TNRC6B: variants seen among roughly 807,000 people sequenced by gnomAD.
TNRC6B encodes trinucleotide repeat-containing gene 6B protein.
Under a neutral mutation model 203.6 loss-of-function variants are expected in TNRC6B, and 52 were observed. That is an observed-to-expected ratio of 0.26 (90% CI 0.20 to 0.32). The LOEUF is 0.32. Among genes scored for constraint, TNRC6B ranks in the 10% least tolerant of loss-of-function variants. The pLI is 1.00. For missense variants in TNRC6B, 1,923 were observed against 2,286.2 expected (o/e 0.84, Z 3.24); for synonymous variants, 838 against 845.7 (o/e 0.99, Z 0.16).
chr22:40,110,317 A>G (rs1050392724), intron 1 of TNRC6B, among the ~76,000 whole-genome samples: 5 of 152,236 alleles, frequency 3.3e-5, no homozygotes, highest in South Asian at 2.1e-4. Flanking sequence ...AACAATTGCA[A>G]TAAAACCTGG....
chr22:40,117,313 A>G (rs2068397036), intron 2 of TNRC6B, among the ~76,000 whole-genome samples: 1 of 152,186 alleles, frequency 6.6e-6, no homozygotes, highest in South Asian at 2.1e-4. Context: ...AAGCACTGGT[A>G]TTTAGATGGA....
chr22:40,125,959 A>G (rs906426965), intron 3 of TNRC6B: 12 of 1,245,232 alleles, frequency 9.6e-6, no homozygotes, highest in African/African-American at 3.1e-5. Context: ...GACTGTAAAA[A>G]TTCGATTGAG....
At chr22:40,049,148 G>A (rs943785733) in intron 1 of TNRC6B, among the ~76,000 whole-genome samples, 3 of 152,026 alleles carry the variant, frequency 2.0e-5, no homozygotes, top group Admixed American at 6.5e-5. Context: ...TTGGGAGGCT[G>A]AGGCGGGTGG....
At chr22:40,222,728 C>CTCTTT (rs2069728214) in intron 1 of TNRC6B, among the ~76,000 whole-genome samples, 16 of 40,216 alleles carry the variant, frequency 4.0e-4, no homozygotes, top group African/African-American at 1.5e-3. Flanking sequence ...CTCTCTCTCT[C>CTCTTT]TTTTTTTTTT....
rs1467718318 is a variant in TNRC6B, at chr22:40,335,531, T to C, written c.*12290T>C. 6.6e-6 allele frequency: 1 copy of C among 151,326 alleles called. No homozygotes were observed. The highest frequency in any genetic ancestry group is 1.5e-5 in the Non-Finnish European group (1 of 67,782). 9.4% of individuals were successfully genotyped at this position (151,326 alleles called of 1,614,324 possible). A position where few individuals can be genotyped will look rare whatever the true frequency, so the allele number is the denominator to read the frequency against. The stretch of plus-strand genomic sequence containing the variant: ...AAAAAAACTAAAGGGTGGTGTTTTA[T>C]TGGATTGTGACAGGTTGAGTAATAA... On this transcript the variant is annotated 3_prime_UTR_variant, in exon 23 of 23. Coordinates refer to ENST00000454349, the MANE Select transcript of TNRC6B (RefSeq NM_001162501.2).
At chr22:40,178,176 A>C in intron 1 of TNRC6B, 36 bp downstream of exon 1, 4 of 1,610,740 alleles carry the variant, frequency 2.5e-6, no homozygotes, top group Non-Finnish European at 3.4e-6. Flanking sequence ...TAACCAATTG[A>C]TTTATATGGA....
upstream of TNRC6B, among the ~76,000 whole-genome samples, chr22:40,174,075 A>T (rs2069032846): frequency 6.6e-6 from 1 of 151,400 alleles, no homozygotes; most frequent in Non-Finnish European, 1.5e-5. Context: ...CTGTGATTAC[A>T]GGCGTGAGCC....
chr22:40,315,748 G>A (rs1401981259), intron 20 of TNRC6B, among the ~76,000 whole-genome samples, 194 bp from the exon 21 acceptor site: 1 of 151,988 alleles, frequency 6.6e-6, no homozygotes, highest in Non-Finnish European at 1.5e-5. Flanking sequence ...GGAAAATACT[G>A]TCTTGCAAAT....
At chr22:40,296,875 C>T (rs964592562) in intron 12 of TNRC6B, among the ~76,000 whole-genome samples, 1 of 152,112 alleles carries the variant, frequency 6.6e-6, no homozygotes, top group African/African-American at 2.4e-5. Flanking sequence ...TGATCTCCGC[C>T]CGACTTGGCC....
At chr22:40,301,583 TTTTG>T in intron 15 of TNRC6B, 1 of 503,084 alleles carries the variant, frequency 2.0e-6, no homozygotes, top group Non-Finnish European at 3.5e-6. Flanking sequence ...TCTTCCTTTT[TTTTG>T]TGTGTGTGTG....
At chr22:40,245,400 T>C (rs949237410) in intron 1 of TNRC6B, among the ~76,000 whole-genome samples, 2 of 152,078 alleles carry the variant, frequency 1.3e-5, no homozygotes, top group Admixed American at 6.6e-5. Context: ...CTGGAATACA[T>C]TGATTTATAG....
At chr22:40,303,210 G>C (rs2071048451) in intron 15 of TNRC6B, among the ~76,000 whole-genome samples, 2 of 151,904 alleles carry the variant, frequency 1.3e-5, no homozygotes, top group Admixed American at 1.3e-4. Flanking sequence ...TTGTATAGTA[G>C]AGATGGGGTT....
At chr22:40,280,857 G>A (rs534945815) in intron 10 of TNRC6B, among the ~76,000 whole-genome samples, 57 of 152,288 alleles carry the variant, frequency 3.7e-4, no homozygotes, top group Non-Finnish European at 6.6e-4. Context: ...AAAATAAAGT[G>A]TCTGGCAATT....
upstream of TNRC6B, among the ~76,000 whole-genome samples, chr22:40,176,594 C>G (rs1429475871): frequency 1.3e-5 from 2 of 152,070 alleles, no homozygotes; most frequent in African/African-American, 2.4e-5. Flanking sequence ...GGGTCCAAGT[C>G]ATTGATTTAT....
intron 1 of TNRC6B, among the ~76,000 whole-genome samples, chr22:40,061,394 T>C (rs192444489): frequency 6.6e-6 from 1 of 151,816 alleles, no homozygotes; most frequent in Non-Finnish European, 1.5e-5. Context: ...TTTTTTTTTT[T>C]GTATTTTTAG....
intron 12 of TNRC6B, 84 bp downstream of exon 12, chr22:40,285,854 A>G: frequency 6.6e-7 from 1 of 1,522,292 alleles, no homozygotes; most frequent in Non-Finnish European, 8.9e-7. Context: ...TGTGGGCATA[A>G]AAAGAATGAT....
intron 1 of TNRC6B, among the ~76,000 whole-genome samples, chr22:40,062,604 A>G (rs1447240840): frequency 6.6e-6 from 1 of 152,220 alleles, no homozygotes; most frequent in Non-Finnish European, 1.5e-5. Context: ...CCAGCAGTAT[A>G]TGAGGGTTCC....
At position 40,252,686 on chromosome 22, in the gene TNRC6B, A is replaced by G. The variant is rs575203173; in HGVS notation, c.115+1486A>G. Among the ~76,000 whole-genome samples, 3 of 152,342 alleles carry G rather than the reference A, an allele frequency of 2.0e-5. No individual in the cohort carries two copies. The South Asian group carries it at 6.2e-4, about 32-fold the overall frequency. ...TACAGAGAATAGTATCTGCCCTTGTACATTTCCTCAGTTTCAGCCCAGAAG... is the reference window on the plus strand; with the variant it reads ...TACAGAGAATAGTATCTGCCCTTGTGCATTTCCTCAGTTTCAGCCCAGAAG... On this transcript the variant is annotated intron_variant, in intron 3 of 22. Transcript: ENST00000454349.
intron 1 of TNRC6B, among the ~76,000 whole-genome samples, chr22:40,088,960 G>T (rs2068124710): frequency 6.6e-6 from 1 of 152,038 alleles, no homozygotes; most frequent in Admixed American, 6.6e-5. Context: ...GTGGGTATAT[G>T]CCCTGAGAGT....
Sources: gnomAD v4.1 joint callset for allele counts (sites outside exome capture counted in the v4.1 genomes callset) on GRCh38, gnomAD v4.1.1 for gene constraint, MANE v1.5 for transcripts, NCBI Gene and HGNC (gene_info 2026-07-23, HGNC 2026-07-21) for gene names.